CAMKMT: variants seen among roughly 807,000 people sequenced by gnomAD.
CAMKMT encodes CaM KMT.
In CAMKMT, 53 loss-of-function variants were observed where a neutral mutation model predicts 48.0. The observed-to-expected ratio is 1.10, with a 90% CI of 0.89 to 1.39. The LOEUF (loss-of-function observed/expected upper bound fraction) is 1.39, where lower values mean the gene tolerates loss of function less well. Among genes scored for constraint, CAMKMT ranks in the 40% most tolerant of loss-of-function variants. The pLI, the probability that CAMKMT is intolerant of heterozygous loss-of-function variation, is 0.00. For missense variants in CAMKMT, 428 were observed against 402.7 expected (o/e 1.06, Z -0.54); for synonymous variants, 165 against 152.3 (o/e 1.08, Z -0.61).
chr2:44,506,569 G>T (rs941228609), intron 3 of CAMKMT, among the ~76,000 whole-genome samples: 1 of 152,098 alleles, frequency 6.6e-6, no homozygotes, highest in Non-Finnish European at 1.5e-5. Context: ...TAAAATCCTA[G>T]TTATGTTCTG....
intron 3 of CAMKMT, among the ~76,000 whole-genome samples, chr2:44,393,849 AAAG>A (rs1681580728): frequency 6.6e-6 from 1 of 152,220 alleles, no homozygotes. Flanking sequence ...ACCTCTGGTC[AAAG>A]AAGCTGCACC....
chr2:44,583,944 A>G (rs1280166584), intron 3 of CAMKMT, among the ~76,000 whole-genome samples: 1 of 152,230 alleles, frequency 6.6e-6, no homozygotes, highest in Non-Finnish European at 1.5e-5. Flanking sequence ...ATATGTATGT[A>G]TAAGCATATA....
intron 3 of CAMKMT, among the ~76,000 whole-genome samples, chr2:44,617,351 G>T (rs1238192126): frequency 1.3e-5 from 2 of 151,976 alleles, no homozygotes; most frequent in African/African-American, 4.8e-5. Flanking sequence ...TATTATTGTT[G>T]AATTGCCAAC....
intron 6 of CAMKMT, among the ~76,000 whole-genome samples, chr2:44,708,211 ATTT>A (rs59281575): frequency 9.7e-4 from 66 of 68,194 alleles, no homozygotes; most frequent in African/African-American, 2.7e-3. Context: ...TTTGCTTTGG[ATTT>A]TTTTTTTTTT....
At chr2:44,383,912 T>G (rs1457362699) in intron 2 of CAMKMT, among the ~76,000 whole-genome samples, 3 of 152,210 alleles carry the variant, frequency 2.0e-5, no homozygotes, top group Non-Finnish European at 4.4e-5. Flanking sequence ...ATTTTGCAAT[T>G]GTGAATTGTG....
chr2:44,646,920 C>G (rs1172607040), intron 3 of CAMKMT, among the ~76,000 whole-genome samples: 2 of 152,150 alleles, frequency 1.3e-5, no homozygotes, highest in African/African-American at 2.4e-5. Flanking sequence ...GTGCTCTTCT[C>G]CAGTTGGAAG....
At chr2:44,562,150 A>C (rs1668356774) in intron 3 of CAMKMT, among the ~76,000 whole-genome samples, 1 of 152,162 alleles carries the variant, frequency 6.6e-6, no homozygotes, top group East Asian at 1.9e-4. Context: ...GCTGTCTTTG[A>C]GTAGAAAGTC....
intron 3 of CAMKMT, among the ~76,000 whole-genome samples, chr2:44,631,996 T>C (rs181442043): frequency 1.3e-5 from 2 of 152,260 alleles, no homozygotes; most frequent in African/African-American, 4.8e-5. Flanking sequence ...CCCTCTCCTT[T>C]ATGCTGTTAT....
intron 3 of CAMKMT, among the ~76,000 whole-genome samples, chr2:44,643,486 A>G (rs907978695): frequency 6.6e-6 from 1 of 152,340 alleles, no homozygotes; most frequent in African/African-American, 2.4e-5. Flanking sequence ...AACAGTTCTT[A>G]AAAGACAGGT....
At chr2:44,507,069 CA>C (rs1163244945) in intron 3 of CAMKMT, among the ~76,000 whole-genome samples, 1 of 97,368 alleles carries the variant, frequency 1.0e-5, no homozygotes, top group African/African-American at 3.9e-5. Flanking sequence ...AAAATTTGTG[CA>C]ATCTTTTTTT....
At chr2:44,524,531 T>C (rs1420233162) in intron 3 of CAMKMT, among the ~76,000 whole-genome samples, 1 of 152,152 alleles carries the variant, frequency 6.6e-6, no homozygotes, top group Non-Finnish European at 1.5e-5. Flanking sequence ...TTTCTTTTTT[T>C]TCTTCCTCCT....
intron 3 of CAMKMT, among the ~76,000 whole-genome samples, chr2:44,541,569 T>C (rs1321736357): frequency 6.6e-6 from 1 of 152,100 alleles, no homozygotes; most frequent in African/African-American, 2.4e-5. Flanking sequence ...AGGATACATA[T>C]ATATATGCCT....
intron 4 of CAMKMT, among the ~76,000 whole-genome samples, chr2:44,705,810 A>G (rs1677521517): frequency 6.6e-6 from 1 of 152,036 alleles, no homozygotes; most frequent in African/African-American, 2.4e-5. Flanking sequence ...AAAATTCAGG[A>G]TTGCATCTAT....
At chr2:44,523,397 A>T (rs1447077679) in intron 3 of CAMKMT, among the ~76,000 whole-genome samples, 1 of 151,498 alleles carries the variant, frequency 6.6e-6, no homozygotes, top group African/African-American at 2.4e-5. Context: ...GGTTCAAGCA[A>T]TTCTCCTGAC....
intron 3 of CAMKMT, among the ~76,000 whole-genome samples, chr2:44,576,327 TAA>T (rs569571059): frequency 2.3e-4 from 18 of 76,664 alleles, no homozygotes; most frequent in East Asian, 1.0e-3. Context: ...AAACTCTGTC[TAA>T]AAAAAAAAAA....
chr2:44,612,037 C>T (rs1671630450), intron 3 of CAMKMT, among the ~76,000 whole-genome samples: 1 of 152,094 alleles, frequency 6.6e-6, no homozygotes, highest in South Asian at 2.1e-4. Flanking sequence ...GGGAAACATC[C>T]AAACTATATC....
intron 8 of CAMKMT, among the ~76,000 whole-genome samples, chr2:44,750,741 C>T (rs889618750): frequency 4.6e-5 from 7 of 152,108 alleles, no homozygotes; most frequent in African/African-American, 1.4e-4. Context: ...AGGCCGGGCA[C>T]GGTGGCTCAC....
At chr2:44,436,199 C>G (rs564967992) in intron 3 of CAMKMT, among the ~76,000 whole-genome samples, 7 of 152,304 alleles carry the variant, frequency 4.6e-5, no homozygotes, top group Admixed American at 4.6e-4. Context: ...CCTCAGCCAC[C>G]TGAGTAACTG....
At position 44,696,624 on chromosome 2, in the gene CAMKMT, T is replaced by C. The variant is rs193264573; in HGVS notation, c.377-7659T>C. Among the ~76,000 whole-genome samples, 785 of 152,064 alleles carry C rather than the reference T, an allele frequency of 5.2e-3. 2 individuals carry two copies. The highest frequency in any genetic ancestry group is 7.9e-3 in the Admixed American group (121 of 15,276). On this transcript the variant is annotated intron_variant, in intron 3 of 10. Transcript: ENST00000378494. ...AAAGCAGAGAATACGAAAAGCCAGGTGGAGTGACTAAGTGAACATATGCAG... is the reference window on the plus strand; with the variant it reads ...AAAGCAGAGAATACGAAAAGCCAGGCGGAGTGACTAAGTGAACATATGCAG...
Sources: allele counts gnomAD v4.1 joint callset (sites outside exome capture counted in the v4.1 genomes callset), GRCh38; gene constraint gnomAD v4.1.1; transcripts MANE v1.5; gene names NCBI Gene and HGNC (gene_info 2026-07-23, HGNC 2026-07-21).